Variants in SRGAP1 observed in about 807,000 individuals in gnomAD.
The protein encoded by SRGAP1 is SLIT-ROBO Rho GTPase activating protein 1, also known as SLIT-ROBO Rho GTPase-activating protein 1.
In SRGAP1, 43 loss-of-function variants were observed where a neutral mutation model predicts 121.9. The observed-to-expected ratio is 0.35, with a 90% CI of 0.28 to 0.46. SRGAP1 has a LOEUF of 0.46. Ranked by LOEUF, SRGAP1 falls within the 20% of genes least tolerant of loss-of-function variation. The pLI, the probability that SRGAP1 is intolerant of heterozygous loss-of-function variation, is 1.00. For missense variants in SRGAP1, 1,102 were observed against 1,350.9 expected (o/e 0.82, Z 2.89); for synonymous variants, 447 against 485.4 (o/e 0.92, Z 1.04).
At chr12:63,964,840 A>T (rs1187210070) in intron 1 of SRGAP1, among the ~76,000 whole-genome samples, 1 of 152,196 alleles carries the variant, frequency 6.6e-6, no homozygotes, top group African/African-American at 2.4e-5. Context: ...ATATTGAGTC[A>T]CTTTTGTCCT....
intron 1 of SRGAP1, among the ~76,000 whole-genome samples, chr12:63,900,116 T>C (rs895450722): frequency 1.3e-5 from 2 of 152,182 alleles, no homozygotes; most frequent in African/African-American, 4.8e-5. Flanking sequence ...AAATAAATGA[T>C]GTTGATGACA....
intron 8 of SRGAP1, among the ~76,000 whole-genome samples, chr12:64,075,919 C>CA (rs752705333): frequency 0.045 from 5,651 of 126,886 alleles, 317 homozygotes; most frequent in African/African-American, 0.14. Flanking sequence ...TTATTTTGTT[C>CA]AAAAAAAAAA....
chr12:64,089,645 G>A (rs908638081), intron 11 of SRGAP1, among the ~76,000 whole-genome samples: 1 of 152,202 alleles, frequency 6.6e-6, no homozygotes, highest in Non-Finnish European at 1.5e-5. Flanking sequence ...CCAGAACTCA[G>A]TGTATAAAAG....
At chr12:64,016,751 C>T (rs189470365) in intron 3 of SRGAP1, among the ~76,000 whole-genome samples, 199 bp from the exon 4 acceptor site, 59 of 152,268 alleles carry the variant, frequency 3.9e-4, no homozygotes, top group Admixed American at 1.4e-3. Context: ...CCATGGTTGT[C>T]ACTTGTTTGC....
chr12:63,973,534 G>A (rs896170745), intron 1 of SRGAP1, among the ~76,000 whole-genome samples: 7 of 152,110 alleles, frequency 4.6e-5, no homozygotes, highest in African/African-American at 1.7e-4. Flanking sequence ...ACTGTATCAA[G>A]TACTTACCGC....
chr12:64,006,324 A>G (rs919063526), intron 3 of SRGAP1, among the ~76,000 whole-genome samples: 5 of 152,196 alleles, frequency 3.3e-5, no homozygotes, highest in Non-Finnish European at 7.3e-5. Flanking sequence ...CTTAACAGCA[A>G]TGAGTTTTAA....
intron 1 of SRGAP1, among the ~76,000 whole-genome samples, chr12:63,943,444 T>A (rs184470303): frequency 2.6e-5 from 4 of 152,352 alleles, no homozygotes; most frequent in Admixed American, 2.6e-4. Flanking sequence ...TTAATTCCTA[T>A]AAACCTTACT....
At chr12:64,085,096 G>A (rs181934964) in intron 10 of SRGAP1, among the ~76,000 whole-genome samples, 1 of 152,188 alleles carries the variant, frequency 6.6e-6, no homozygotes, top group African/African-American at 2.4e-5. Context: ...TAGTTCCTGG[G>A]ATCTCAGGAC....
At chr12:63,918,515 C>T (rs543830327) in intron 1 of SRGAP1, among the ~76,000 whole-genome samples, 1 of 152,258 alleles carries the variant, frequency 6.6e-6, no homozygotes, top group South Asian at 2.1e-4. Flanking sequence ...CTCCCAGGCT[C>T]AAGTGACCCT....
intron 1 of SRGAP1, among the ~76,000 whole-genome samples, chr12:63,890,078 T>C (rs1302352336): frequency 6.6e-6 from 1 of 152,176 alleles, no homozygotes; most frequent in African/African-American, 2.4e-5. Context: ...TTCACATTTA[T>C]CATGTTTCTT....
chr12:63,976,440 C>G (rs2033098424), intron 1 of SRGAP1, among the ~76,000 whole-genome samples: 1 of 152,218 alleles, frequency 6.6e-6, no homozygotes, highest in African/African-American at 2.4e-5. Context: ...CCCAGACTCT[C>G]ACTGCATCTT....
intron 1 of SRGAP1, among the ~76,000 whole-genome samples, chr12:63,893,955 C>T (rs1281127243): frequency 6.6e-6 from 1 of 152,226 alleles, no homozygotes; most frequent in Admixed American, 6.5e-5. Context: ...TCTCCTGCCT[C>T]GGCCTCTCAA....
intron 21 of SRGAP1, among the ~76,000 whole-genome samples, chr12:64,131,446 G>A (rs961630397): frequency 1.3e-5 from 2 of 152,230 alleles, no homozygotes; most frequent in Non-Finnish European, 2.9e-5. Context: ...ACTGCTCGAA[G>A]TTCTGCCCAC....
At chr12:64,065,530 T>C (rs1296320837) in intron 8 of SRGAP1, among the ~76,000 whole-genome samples, 1 of 152,214 alleles carries the variant, frequency 6.6e-6, no homozygotes, top group African/African-American at 2.4e-5. Flanking sequence ...TCCAAAAATA[T>C]ACAATCTTTT....
chr12:63,970,223 C>T (rs2032904008), intron 1 of SRGAP1, among the ~76,000 whole-genome samples: 1 of 152,072 alleles, frequency 6.6e-6, no homozygotes, highest in Non-Finnish European at 1.5e-5. Context: ...ATTGTAGATG[C>T]GTAATTAGGG....
At chr12:63,889,355 C>A (rs576870674) in intron 1 of SRGAP1, among the ~76,000 whole-genome samples, 1 of 152,302 alleles carries the variant, frequency 6.6e-6, no homozygotes, top group African/African-American at 2.4e-5. Context: ...TTTCAGAATT[C>A]TGTGCTGGGA....
chr12:63,873,630 C>T (rs185443640), intron 1 of SRGAP1, among the ~76,000 whole-genome samples: 1 of 151,324 alleles, frequency 6.6e-6, no homozygotes, highest in East Asian at 1.9e-4. Flanking sequence ...GTTATATAAG[C>T]CTTGGCTGAA....
chr12:63,868,056 A>ATTT (rs1219689164), intron 1 of SRGAP1, among the ~76,000 whole-genome samples: 11 of 57,866 alleles, frequency 1.9e-4, no homozygotes, highest in South Asian at 7.4e-4. Flanking sequence ...ATATATATAT[A>ATTT]TTTTTTTTTT....
At position 64,148,758 on chromosome 12, in the gene SRGAP1, CAA is replaced by C. The variant is rs774797256; in HGVS notation, c.*6089_*6090del. 5 of 152,214 alleles carry C rather than the reference CAA, an allele frequency of 3.3e-5. No individual in the cohort carries two copies. Among genetic ancestry groups the C allele is most frequent in the South Asian group, 2.1e-4 (1 of 4,816 alleles). The allele number at this position is 152,214 out of a possible 1,614,324, so 9.4% of individuals were successfully genotyped here. A position where few individuals can be genotyped will look rare whatever the true frequency, so the allele number is the denominator to read the frequency against. Reference sequence around the variant, plus strand: ...TTTTTATTAAAGTGCAGAATACTAACAAAAGTGTGCAAATCATTAGTGTAACA... The same window carrying C: ...TTTTTATTAAAGTGCAGAATACTAACAAGTGTGCAAATCATTAGTGTAACA... On this transcript the variant is annotated 3_prime_UTR_variant, in exon 22 of 22. Coordinates refer to ENST00000355086, the MANE Select transcript of SRGAP1 (RefSeq NM_020762.4).
Sources: allele counts gnomAD v4.1 joint callset (sites outside exome capture counted in the v4.1 genomes callset), GRCh38; gene constraint gnomAD v4.1.1; transcripts MANE v1.5; gene names NCBI Gene and HGNC (gene_info 2026-07-23, HGNC 2026-07-21).